Variants in SLC5A3 observed in about 807,000 individuals in gnomAD.
SLC5A3 encodes the protein sodium/myo-inositol cotransporter.
SLC5A3 carries 10 observed loss-of-function variants against 43.2 expected under a neutral mutation model. The observed-to-expected ratio is 0.23, with a 90% CI of 0.14 to 0.39. The LOEUF is 0.39. SLC5A3 is among the 10% of genes least tolerant of loss of function. The probability of loss-of-function intolerance (pLI) is 1.00; values close to 1 mark genes in which losing one functional copy is unlikely to be tolerated. For synonymous variants in SLC5A3, 349 were observed against 322.0 expected (o/e 1.08, Z -0.90); for missense variants, 608 against 893.4 (o/e 0.68, Z 4.07).
intron 1 of SLC5A3, among the ~76,000 whole-genome samples, chr21:34,081,053 A>T (rs201382432): frequency 6.6e-6 from 1 of 152,202 alleles, no homozygotes; most frequent in East Asian, 1.9e-4. Context: ...TTCTTTGGGA[A>T]GACTTGATAA....
Position 34,095,553 on chromosome 21 carries a change from G to A in SLC5A3, c.355G>A (p.Gly119Ser). The A allele has an allele frequency of 6.2e-7, 1 of 1,613,752 alleles. No individual in the cohort carries two copies. Among genetic ancestry groups the A allele is most frequent in the Non-Finnish European group, 8.5e-7 (1 of 1,179,924 alleles). Residue 119 changes from glycine (G) to serine (S), a missense_variant, in exon 2 of 2, where the codon GGC (glycine) becomes AGC (serine). Physicochemically the swap from Gly to Ser is moderately conservative, Grantham distance 56. Transcript: ENST00000381151. ...TGAATACTTGTCCAAGCGATTTGGT[G>A]GCCATAGGATTCAGGTCTATTTTGC... ...MPEYLSKRFGGHRIQVYFAAL... is the reference protein window; with the variant it reads ...MPEYLSKRFGSHRIQVYFAAL...
Position 34,098,920 on chromosome 21 carries a change from A to G in SLC5A3, c.*1565A>G. The G allele has an allele frequency of 4.0e-6, 4 of 992,142 alleles. No individual in the cohort carries two copies. The highest frequency in any genetic ancestry group is 4.9e-6 in the Non-Finnish European group (4 of 822,580). The allele number at this position is 992,142 out of a possible 1,614,324, so 61.5% of individuals were successfully genotyped here. A position where few individuals can be genotyped will look rare whatever the true frequency, so the allele number is the denominator to read the frequency against. On this transcript the variant is annotated 3_prime_UTR_variant, in exon 2 of 2. Transcript: ENST00000381151. ...TAATCTCTGATACTTTTTAGATTGC[A>G]TGATTTTACTAGGCTTGTATTTAGG...
rs888877360 is a variant in SLC5A3, at chr21:34,103,993, A to T, written c.*6638A>T. ...TTGGGGTTTTTTGTAAAAAATCTTAAATCTTTTAGGAAATATTACCTCTTA... is the reference window on the plus strand; with the variant it reads ...TTGGGGTTTTTTGTAAAAAATCTTATATCTTTTAGGAAATATTACCTCTTA... On this transcript the variant is annotated 3_prime_UTR_variant, in exon 2 of 2. Coordinates refer to ENST00000381151, the MANE Select transcript of SLC5A3 (RefSeq NM_006933.7). The T allele has an allele frequency of 2.0e-6, 2 of 1,000,092 alleles. No individual in the cohort carries two copies. Among genetic ancestry groups the T allele is most frequent in the South Asian group, 4.7e-5 (1 of 21,276 alleles). 62.0% of individuals were successfully genotyped at this position (1,000,092 alleles called of 1,614,324 possible).
chr21:34,097,770 C>G lies in SLC5A3; in HGVS notation c.*415C>G. On this transcript the variant is annotated 3_prime_UTR_variant, in exon 2 of 2. Transcript: ENST00000381151. ...TTTTTTTCTGTCTCTGTAATCCCTC[C>G]TACCATTAAGAAAAACTTATTTCTT... 23 of 1,001,596 alleles carry G rather than the reference C, an allele frequency of 2.3e-5. No homozygotes were observed. The highest frequency in any genetic ancestry group is 2.8e-5 in the Non-Finnish European group (23 of 830,686). The allele number at this position is 1,001,596 out of a possible 1,614,324, so 62.0% of individuals were successfully genotyped here. A position where few individuals can be genotyped will look rare whatever the true frequency, so the allele number is the denominator to read the frequency against.
At chr21:34,074,835 A>C (rs1308366891) in intron 1 of SLC5A3, among the ~76,000 whole-genome samples, 1 of 152,228 alleles carries the variant, frequency 6.6e-6, no homozygotes, top group Non-Finnish European at 1.5e-5. Flanking sequence ...GGTTGAACTT[A>C]AGCTCAATTG....
chr21:34,080,525 T>C (rs1989435035), intron 1 of SLC5A3, among the ~76,000 whole-genome samples: 1 of 152,196 alleles, frequency 6.6e-6, no homozygotes, highest in Non-Finnish European at 1.5e-5. Flanking sequence ...AAAACCAGTC[T>C]CATGTTCTTC....
intron 1 of SLC5A3, among the ~76,000 whole-genome samples, chr21:34,091,496 A>G (rs2148657748): frequency 6.6e-6 from 1 of 152,230 alleles, no homozygotes; most frequent in Middle Eastern, 3.4e-3. Context: ...AACTAATTAC[A>G]TTTTGGTTAA....
rs919936019 is a variant in SLC5A3, at chr21:34,103,451, G to A, written c.*6096G>A. ...CTTTTATATCCATTAAAAACTTAAA[G>A]TTACTTATGTTCTGTGATCTTAATT... is the stretch of plus-strand genomic sequence containing the variant. On this transcript the variant is annotated 3_prime_UTR_variant, in exon 2 of 2. Transcript: ENST00000381151. 2.9e-5 allele frequency: 29 copies of A among 998,706 alleles called. No individual in the cohort carries two copies. Among genetic ancestry groups the A allele is most frequent in the Middle Eastern group, 1.0e-3 (2 of 1,914 alleles). The allele number at this position is 998,706 out of a possible 1,614,324, so 61.9% of individuals were successfully genotyped here. A position where few individuals can be genotyped will look rare whatever the true frequency, so the allele number is the denominator to read the frequency against.
chr21:34,104,121 C>G lies in SLC5A3; in HGVS notation c.*6766C>G, dbSNP rs888489069. On this transcript the variant is annotated 3_prime_UTR_variant, in exon 2 of 2. Transcript: ENST00000381151. ...GTTTGTATGTGAGAGATGAAGTTAC[C>G]TTTATTTTTTTCCTATACTTGACTG... 2.0e-6 allele frequency: 2 copies of G among 999,660 alleles called. No homozygotes were observed. The highest frequency in any genetic ancestry group is 3.5e-5 in the African/African-American group (2 of 57,296). 61.9% of individuals were successfully genotyped at this position (999,660 alleles called of 1,614,324 possible). A position where few individuals can be genotyped will look rare whatever the true frequency, so the allele number is the denominator to read the frequency against.
In SLC5A3 at chr21:34,103,178, A is replaced by C; in HGVS notation, c.*5823A>C. 1 of 1,000,098 alleles carries C rather than the reference A, an allele frequency of 1.0e-6. No individual in the cohort carries two copies. The highest frequency in any genetic ancestry group is 1.2e-6 in the Non-Finnish European group (1 of 829,888). The allele number at this position is 1,000,098 out of a possible 1,614,324, so 62.0% of individuals were successfully genotyped here. The stretch of plus-strand genomic sequence containing the variant: ...ATATATGGTATTCCATAATATAACC[A>C]GCTTTTGAAATTTATGTGTTTGGAT... On this transcript the variant is annotated 3_prime_UTR_variant, in exon 2 of 2. Coordinates refer to ENST00000381151, the MANE Select transcript of SLC5A3 (RefSeq NM_006933.7).
At chr21:34,076,793 CTTAG>C (rs1485037363) in intron 1 of SLC5A3, among the ~76,000 whole-genome samples, 1 of 152,088 alleles carries the variant, frequency 6.6e-6, no homozygotes, top group African/African-American at 2.4e-5. Context: ...TTAGACCAGT[CTTAG>C]TTCATATTTA....
Position 34,103,528 on chromosome 21 carries a change from C to T in SLC5A3, c.*6173C>T. 1 of 999,948 alleles carries T rather than the reference C, an allele frequency of 1.0e-6. No individual in the cohort carries two copies. 61.9% of individuals were successfully genotyped at this position (999,948 alleles called of 1,614,324 possible). On this transcript the variant is annotated 3_prime_UTR_variant, in exon 2 of 2. Transcript: ENST00000381151. ...AGGTATATCGAGAACAGGTACGTGA[C>T]AACAGTTTATATTCCATGATAGAAA...
In SLC5A3 at chr21:34,105,135, G is replaced by A. The variant is rs1000190074; in HGVS notation, c.*7780G>A. Reference sequence around the variant, plus strand: ...CTCCATTAGTGTCAGATGATGGTATGGAATTTGTTCCCTTGCTTTCCCCCA... The same window carrying A: ...CTCCATTAGTGTCAGATGATGGTATAGAATTTGTTCCCTTGCTTTCCCCCA... On this transcript the variant is annotated 3_prime_UTR_variant, in exon 2 of 2. Transcript: ENST00000381151. 18 of 1,000,128 alleles carry A rather than the reference G, an allele frequency of 1.8e-5. No individual in the cohort carries two copies. Among genetic ancestry groups the A allele is most frequent in the Non-Finnish European group, 2.0e-5 (17 of 829,928 alleles). 62.0% of individuals were successfully genotyped at this position (1,000,128 alleles called of 1,614,324 possible).
Position 34,097,437 on chromosome 21 carries a change from C to T in SLC5A3, c.*82C>T, listed in dbSNP as rs918587037. ...AAAAGTTATGTAACTGTGCATCTCT[C>T]AGGCATTGTTTACGCTGTAGGTTTT... On this transcript the variant is annotated 3_prime_UTR_variant, in exon 2 of 2. Coordinates refer to ENST00000381151, the MANE Select transcript of SLC5A3 (RefSeq NM_006933.7). The T allele has an allele frequency of 2.0e-6, 3 of 1,505,096 alleles. No individual in the cohort carries two copies. The highest frequency in any genetic ancestry group is 1.4e-5 in the South Asian group (1 of 71,028). 93.2% of individuals were successfully genotyped at this position (1,505,096 alleles called of 1,614,324 possible).
In SLC5A3 at chr21:34,102,369, G is replaced by T; in HGVS notation, c.*5014G>T. ...TTAAAGGAATGTTGTGAGAATTGATGTAATTTCTGTTTCTGTTTCCATCTA... is the reference window on the plus strand; with the variant it reads ...TTAAAGGAATGTTGTGAGAATTGATTTAATTTCTGTTTCTGTTTCCATCTA... On this transcript the variant is annotated 3_prime_UTR_variant, in exon 2 of 2. Coordinates refer to ENST00000381151, the MANE Select transcript of SLC5A3 (RefSeq NM_006933.7). The T allele has an allele frequency of 2.0e-6, 2 of 999,774 alleles. No individual in the cohort carries two copies. The highest frequency in any genetic ancestry group is 2.4e-6 in the Non-Finnish European group (2 of 829,784). 61.9% of individuals were successfully genotyped at this position (999,774 alleles called of 1,614,324 possible).
At position 34,105,831 on chromosome 21, in the gene SLC5A3, C is replaced by T. The variant is rs1021149017; in HGVS notation, c.*8476C>T. ...GCAGAAAGTAGAATTTGGTATAAAG[C>T]AGGTTATTTCTATATTGAAAGGAGT... is the stretch of plus-strand genomic sequence containing the variant. On this transcript the variant is annotated 3_prime_UTR_variant, in exon 2 of 2. Coordinates refer to ENST00000381151, the MANE Select transcript of SLC5A3 (RefSeq NM_006933.7). 8.0e-6 allele frequency: 8 copies of T among 994,734 alleles called. No homozygotes were observed. Among genetic ancestry groups the T allele is most frequent in the Middle Eastern group, 5.2e-4 (1 of 1,932 alleles). 61.6% of individuals were successfully genotyped at this position (994,734 alleles called of 1,614,324 possible).
At position 34,098,162 on chromosome 21, in the gene SLC5A3, ATATAGTTT is replaced by A; in HGVS notation, c.*808_*815del. The A allele has an allele frequency of 1.1e-5, 11 of 1,000,068 alleles. No individual in the cohort carries two copies. Among genetic ancestry groups the A allele is most frequent in the Non-Finnish European group, 1.3e-5 (11 of 829,914 alleles). 61.9% of individuals were successfully genotyped at this position (1,000,068 alleles called of 1,614,324 possible). On this transcript the variant is annotated 3_prime_UTR_variant, in exon 2 of 2. Coordinates refer to ENST00000381151, the MANE Select transcript of SLC5A3 (RefSeq NM_006933.7). The stretch of plus-strand genomic sequence containing the variant: ...TTTATTGATCATATTAAGGTTGTTT[ATATAGTTT>A]GGAAATGACCAGCCCCCTAAGCAGT...
chr21:34,099,482 A>G lies in SLC5A3; in HGVS notation c.*2127A>G, dbSNP rs1312061617. On this transcript the variant is annotated 3_prime_UTR_variant, in exon 2 of 2. Transcript: ENST00000381151. The stretch of plus-strand genomic sequence containing the variant: ...ATCTTGGATTTTTCAAATTAACATT[A>G]AGTTGTAAGAACTAAAATTTTCTTT... 2.0e-6 allele frequency: 2 copies of G among 999,820 alleles called. No individual in the cohort carries two copies. The highest frequency in any genetic ancestry group is 2.4e-6 in the Non-Finnish European group (2 of 829,820). The allele number at this position is 999,820 out of a possible 1,614,324, so 61.9% of individuals were successfully genotyped here.
intron 1 of SLC5A3, among the ~76,000 whole-genome samples, chr21:34,074,794 C>G (rs1413150420): frequency 6.6e-6 from 1 of 152,326 alleles, no homozygotes; most frequent in African/African-American, 2.4e-5. Flanking sequence ...AATTAGGCTC[C>G]AGGTCAATTG....
Sources: gnomAD v4.1 joint callset for allele counts (sites outside exome capture counted in the v4.1 genomes callset) on GRCh38, gnomAD v4.1.1 for gene constraint, MANE v1.5 for transcripts, NCBI Gene and HGNC (gene_info 2026-07-23, HGNC 2026-07-21) for gene names.